Variants in TLN1 observed in about 807,000 individuals in gnomAD.
TLN1 encodes the protein talin 1.
Under a neutral mutation model 292.3 loss-of-function variants are expected in TLN1, and 56 were observed. The observed-to-expected ratio is 0.19, with a 90% CI of 0.15 to 0.24. The LOEUF is 0.24. TLN1 is among the 10% of genes least tolerant of loss of function. The pLI is 1.00. For missense variants in TLN1, 2,433 were observed against 3,248.2 expected (o/e 0.75, Z 6.10); for synonymous variants, 1,119 against 1,253.7 (o/e 0.89, Z 2.27).
chr9:35,706,175 CT>C lies in TLN1; in HGVS notation c.5361+20del, dbSNP rs767037785. On this transcript the variant is annotated intron_variant, in intron 40 of 56. Transcript: ENST00000314888. This position sits in a 1 kb window ranked among gnomAD's most constrained non-coding sequence, Gnocchi z 4.2. ...TCCAGCCTCCTGCTAGTAACAGCTC[CT>C]CCCTCCCAACCCTCAATACCTTTGG... 1.1e-3 allele frequency: 1,823 copies of C among 1,610,562 alleles called. 20 individuals carry two copies. Among genetic ancestry groups the C allele is most frequent in the Middle Eastern group, 5.1e-3 (31 of 6,044 alleles).
At chr9:35,705,403 C>A in intron 43 of TLN1, 148 bp downstream of exon 43, 2 of 799,658 alleles carry the variant, frequency 2.5e-6, no homozygotes, top group South Asian at 1.9e-5. Context: ...CTGTCCCTAC[C>A]CAGAGCCTCA....
rs767541588 is a variant in TLN1 at position 35,713,927 on chromosome 9, A to G, written c.3249+26T>C. 9.9e-6 allele frequency: 16 copies of G among 1,613,400 alleles called. No individual in the cohort carries two copies. In the African/African-American group the frequency reaches 2.0e-4, roughly 20 times the overall value. On this transcript the variant is annotated intron_variant, in intron 25 of 56. Transcript: ENST00000314888. ...TGAAGGAAGACTTTAGGATTTGAGT[A>G]AGAATGAGGTCTTAAACATACTTAC...
At position 35,706,647 on chromosome 9, in the gene TLN1, C is replaced by A; in HGVS notation, c.5089-96G>T. The A allele has an allele frequency of 6.3e-7, 1 of 1,583,664 alleles. No homozygotes were observed. The highest frequency in any genetic ancestry group is 1.3e-5 in the African/African-American group (1 of 74,478). ...TTCTGTCCATACCAAATACCCTAAC[C>A]CTCCTTCGCACATCCCAGCCTTTGA... On this transcript the variant is annotated intron_variant, in intron 38 of 56. Coordinates refer to ENST00000314888, the MANE Select transcript of TLN1 (RefSeq NM_006289.4). This position sits in a 1 kb window ranked among gnomAD's most constrained non-coding sequence, Gnocchi z 4.2.
At chr9:35,720,309 C>T in intron 12 of TLN1, 90 bp from the exon 13 acceptor site, 3 of 1,529,296 alleles carry the variant, frequency 2.0e-6, no homozygotes, top group Non-Finnish European at 2.7e-6. Flanking sequence ...TGTGTGAGGT[C>T]TCACTACAGC....
Position 35,715,061 on chromosome 9 carries a change from C to G in TLN1, c.2752G>C (p.Glu918Gln). 6.2e-7 allele frequency: 1 copy of G among 1,612,974 alleles called. No individual in the cohort carries two copies. The highest frequency in any genetic ancestry group is 8.5e-7 in the Non-Finnish European group (1 of 1,180,036). ...CCTGGTGAAACTCCCAGCCTCACCTCCAGGCGCTGCACCAGCTTTTTCTTG... is the reference window on the plus strand; with the variant it reads ...CCTGGTGAAACTCCCAGCCTCACCTGCAGGCGCTGCACCAGCTTTTTCTTG... ...AIKKKLVQRL[E>Q]HAAKQAAASA... The change falls in exon 21 of 57, where the codon GAG (glutamate) becomes CAG (glutamine). Residue 918 changes from glutamate to glutamine, a missense_variant and splice_region_variant. By Grantham distance (29) the Glu-to-Gln change is conservative. This residue lies in a region of TLN1 where 617 missense variants were observed against 770.6 expected (regional missense o/e 0.80). Transcript: ENST00000314888.
chr9:35,707,169 G>T lies in TLN1; in HGVS notation c.4858C>A (p.Leu1620Ile). Residue 1620 changes from leucine (L) to isoleucine (I), a missense_variant, in exon 37 of 57, where the codon CTC becomes ATC. Leu to Ile is a conservative substitution (Grantham distance 5). Around this residue, in one of 7 missense-constraint regions of TLN1, gnomAD observed 1,384 missense variants for 1,699.6 expected, o/e 0.81. Coordinates refer to ENST00000314888, the MANE Select transcript of TLN1 (RefSeq NM_006289.4). This position sits in a 1 kb window ranked among gnomAD's most constrained non-coding sequence, Gnocchi z 5.6. The part of the protein sequence containing the change: ...AGGLIQTARA[L>I]AVNPRDPPSW... Reference sequence around the variant, plus strand: ...GGGGGGTCCCGGGGATTGACTGCGAGGGCCCGGGCTGTCTGGATGAGTCCC... The same window carrying T: ...GGGGGGTCCCGGGGATTGACTGCGATGGCCCGGGCTGTCTGGATGAGTCCC... 6.2e-7 allele frequency: 1 copy of T among 1,609,882 alleles called. No homozygotes were observed.
chr9:35,707,060 A>G lies in TLN1; in HGVS notation c.4955+12T>C. ...TGCCCCCCAGCCACACTGGTTCCCC[A>G]TCCCTCAATACCTCATGCTTGTAAT... On this transcript the variant is annotated intron_variant, in intron 37 of 56. Transcript: ENST00000314888. The surrounding 1 kb of genome is among the most constrained non-coding windows in gnomAD (Gnocchi z 5.6). 2.5e-6 allele frequency: 4 copies of G among 1,611,026 alleles called. No individual in the cohort carries two copies. The highest frequency in any genetic ancestry group is 3.4e-6 in the Non-Finnish European group (4 of 1,179,170).
intron 17 of TLN1, among the ~76,000 whole-genome samples, chr9:35,718,091 G>A (rs934654599): frequency 5.9e-5 from 9 of 152,178 alleles, no homozygotes; most frequent in African/African-American, 2.2e-4. Flanking sequence ...GGGGAGAGGA[G>A]GTAGGAGGTA....
chr9:35,707,250 G>A lies in TLN1; in HGVS notation c.4777C>T (p.Arg1593Trp), dbSNP rs267602229. 1.8e-5 allele frequency: 29 copies of A among 1,601,660 alleles called. No individual in the cohort carries two copies. The highest frequency in any genetic ancestry group is 2.2e-5 in the Non-Finnish European group (26 of 1,171,598). ...SIPAQISPEG[R>W]AAMEPIVISA... ...ATCACAATGGGCTCCATGGCAGCCCGACCCTGGGGAGAGGGGAGGCAGGAA... is the reference window on the plus strand; with the variant it reads ...ATCACAATGGGCTCCATGGCAGCCCAACCCTGGGGAGAGGGGAGGCAGGAA... Residue 1593 changes from arginine to tryptophan, a missense_variant, in exon 37 of 57, where the codon CGG (arginine) becomes TGG (tryptophan). Transcript: ENST00000314888. The surrounding 1 kb of genome is among the most constrained non-coding windows in gnomAD (Gnocchi z 5.6).
At position 35,714,275 on chromosome 9, in the gene TLN1, G is replaced by A. The variant is rs61736050; in HGVS notation, c.3084C>T (p.Gly1028=). ...CCGTCCGGAGTTCAGCCAGCGCGGTGCCCAGGTTCTTGGCACACTGACTCA... is the reference window on the plus strand; with the variant it reads ...CCGTCCGGAGTTCAGCCAGCGCGGTACCCAGGTTCTTGGCACACTGACTCA... ...MQLSQCAKNL[G]TALAELRTAA... is the part of the protein sequence containing the mutation. Residue 1028 remains glycine (G), a synonymous_variant, in exon 24 of 57, where the codon GGC becomes GGT. Transcript: ENST00000314888. This position sits in a 1 kb window ranked among gnomAD's most constrained non-coding sequence, Gnocchi z 4.6. The A allele has an allele frequency of 2.3e-3, 3,790 of 1,613,602 alleles. 10 individuals are homozygous for A. The highest frequency in any genetic ancestry group is 3.0e-3 in the Non-Finnish European group (3,491 of 1,179,546).
chr9:35,718,368 G>A (rs945451014), intron 17 of TLN1, among the ~76,000 whole-genome samples: 3 of 152,218 alleles, frequency 2.0e-5, no homozygotes, highest in Admixed American at 6.5e-5. Context: ...TAGGGGAATC[G>A]GGGGGAGATC....
chr9:35,718,845 T>C lies in TLN1; in HGVS notation c.1962A>G (p.Gln654=), dbSNP rs748613184. 40 of 1,613,680 alleles carry C rather than the reference T, an allele frequency of 2.5e-5. No homozygotes were observed. The East Asian group carries it at 8.5e-4, about 34-fold the overall frequency. ...GGGGGTCAGTATCACTTTCCCCAAT[T>C]TGTTGCAACAGCTCCCCACTGGCCT... ...VGQASGELLQ[Q]IGESDTDPHF... Residue 654 remains glutamine, a synonymous_variant, in exon 17 of 57, where the codon CAA becomes CAG. Transcript: ENST00000314888.
intron 7 of TLN1, chr9:35,723,713 A>C: frequency 1.9e-6 from 1 of 513,106 alleles, no homozygotes; most frequent in Non-Finnish European, 3.3e-6. Flanking sequence ...CTCAAAAAAG[A>C]GTGACATGCT....
chr9:35,712,717 G>C, intron 27 of TLN1, 118 bp downstream of exon 27: 2 of 771,012 alleles, frequency 2.6e-6, no homozygotes, highest in Admixed American at 2.8e-5. Flanking sequence ...GTCAAGAGCA[G>C]ACCCAAGAAG....
Position 35,704,582 on chromosome 9 carries a change from G to GGAGAGGGCT in TLN1, c.5880+78_5881-85dup. ...CCCATGCCTGGGAGAAGTGACAACA[G>GGAGAGGGCT]GAGAGGGCTGAGAGGGCTGGAGGAG... On this transcript the variant is annotated intron_variant, in intron 44 of 56. Transcript: ENST00000314888. The surrounding 1 kb of genome is among the most constrained non-coding windows in gnomAD (Gnocchi z 6.9). The GGAGAGGGCT allele has an allele frequency of 6.3e-7, 1 of 1,591,362 alleles. No homozygotes were observed. Among genetic ancestry groups the GGAGAGGGCT allele is most frequent in the African/African-American group, 1.3e-5 (1 of 74,752 alleles).
At position 35,717,468 on chromosome 9, in the gene TLN1, T is replaced by C. The variant is rs540982404; in HGVS notation, c.2164-28A>G. ...GTAGGTAAAGTGAATGTCAGAGACG[T>C]AGGCAAGGGAAAGGAGGTAGAGTAT... On this transcript the variant is annotated intron_variant, in intron 18 of 56. Transcript: ENST00000314888. This position sits in a 1 kb window ranked among gnomAD's most constrained non-coding sequence, Gnocchi z 4.7. The C allele has an allele frequency of 5.6e-6, 9 of 1,602,578 alleles. No individual in the cohort carries two copies. The East Asian group carries it at 9.0e-5, about 16-fold the overall frequency.
chr9:35,730,977 G>A (rs1448287460), intron 1 of TLN1, among the ~76,000 whole-genome samples: 5 of 152,024 alleles, frequency 3.3e-5, no homozygotes, highest in African/African-American at 1.2e-4. Flanking sequence ...TCCCACCTAT[G>A]TTGTCTGTAA....
chr9:35,713,936 G>A lies in TLN1; in HGVS notation c.3249+17C>T. The stretch of plus-strand genomic sequence containing the variant: ...ACTTTAGGATTTGAGTAAGAATGAG[G>A]TCTTAAACATACTTACTGTCTCCCC... On this transcript the variant is annotated intron_variant, in intron 25 of 56. Transcript: ENST00000314888. 1 of 1,613,910 alleles carries A rather than the reference G, an allele frequency of 6.2e-7. No individual in the cohort carries two copies. The highest frequency in any genetic ancestry group is 8.5e-7 in the Non-Finnish European group (1 of 1,179,994).
intron 1 of TLN1, among the ~76,000 whole-genome samples, chr9:35,728,914 G>A (rs1035009053): frequency 2.5e-4 from 38 of 152,126 alleles, no homozygotes; most frequent in African/African-American, 8.9e-4. Context: ...GAATCACAAC[G>A]GAGGGCAGGA....
Sources: gnomAD v4.1 joint callset for allele counts (sites outside exome capture counted in the v4.1 genomes callset) on GRCh38, gnomAD v4.1.1 for gene constraint, gnomAD v4.1.1 regional missense constraint, Gnocchi (gnomAD v3.1) non-coding constraint, MANE v1.5 for transcripts, NCBI Gene and HGNC (gene_info 2026-07-23, HGNC 2026-07-21) for gene names.